The following ZNF892 variants were observed in gnomAD, a reference collection of about 807,000 sequenced individuals.
ZNF892 encodes zinc finger protein 570-like.
At chr2:95,244,204 C>T in the ZNF892 span, among the ~76,000 whole-genome samples, 4 of 149,350 alleles carry the variant, frequency 2.7e-5, no homozygotes, top group South Asian at 4.4e-4. Flanking sequence ...ACAAACACTG[C>T]GGAAGGCCGC....
At chr2:95,235,361 CTT>C in the ZNF892 span, among the ~76,000 whole-genome samples, 35 of 132,012 alleles carry the variant, frequency 2.7e-4, no homozygotes, top group Non-Finnish European at 2.3e-4. Flanking sequence ...TTCCAGTAAA[CTT>C]TTTTTTTTTT....
At chr2:95,231,908 A>G in the ZNF892 span, among the ~76,000 whole-genome samples, 1 of 152,172 alleles carries the variant, frequency 6.6e-6, no homozygotes. Flanking sequence ...AGCGGGTGCT[A>G]TTGTGTCATC....
the ZNF892 span, chr2:95,232,132 G>T: frequency 6.6e-6 from 1 of 152,202 alleles, no homozygotes; most frequent in Non-Finnish European, 1.5e-5. Context: ...CTTGTGTGCG[G>T]CATGATTCCC....
chr2:95,260,811 G>A, the ZNF892 span, among the ~76,000 whole-genome samples: 1 of 152,214 alleles, frequency 6.6e-6, no homozygotes, highest in Non-Finnish European at 1.5e-5. Flanking sequence ...ATGATGGGAG[G>A]TGGGATCACC....
chr2:95,256,782 T>C, the ZNF892 span, among the ~76,000 whole-genome samples: 8 of 152,200 alleles, frequency 5.3e-5, no homozygotes, highest in Non-Finnish European at 1.0e-4. Flanking sequence ...TTTTTATTAT[T>C]TTTTCTCTAA....
At chr2:95,226,046 C>T in the ZNF892 span, among the ~76,000 whole-genome samples, 8 of 152,132 alleles carry the variant, frequency 5.3e-5, no homozygotes, top group Admixed American at 2.0e-4. Context: ...GTTCTGGGGT[C>T]ATGGGAATGG....
chr2:95,215,570 C>G, the ZNF892 span: 3 of 403,106 alleles, frequency 7.4e-6, no homozygotes, highest in Admixed American at 4.3e-5. Flanking sequence ...AGCATTTAAC[C>G]TTTGGCCAAC....
the ZNF892 span, among the ~76,000 whole-genome samples, chr2:95,249,207 A>ATG: frequency 4.4e-3 from 536 of 122,144 alleles, 9 homozygotes; most frequent in African/African-American, 0.015. Context: ...GTATATATGT[A>ATG]TGTATATATA....
At chr2:95,250,443 CTA>C in the ZNF892 span, among the ~76,000 whole-genome samples, 2 of 150,518 alleles carry the variant, frequency 1.3e-5, no homozygotes, top group Admixed American at 1.3e-4. Flanking sequence ...GGGTTAGTTT[CTA>C]TATGTCTGAG....
the ZNF892 span, chr2:95,214,561 G>T: frequency 3.4e-3 from 1,350 of 398,620 alleles, 9 homozygotes; most frequent in South Asian, 0.021. Context: ...GAATTTAGAA[G>T]AAATTGCACT....
At chr2:95,229,795 A>C in the ZNF892 span, among the ~76,000 whole-genome samples, 1 of 152,184 alleles carries the variant, frequency 6.6e-6, no homozygotes. Context: ...TCTTGGGTAC[A>C]TATACCTAGG....
the ZNF892 span, among the ~76,000 whole-genome samples, chr2:95,211,455 A>G: frequency 6.6e-6 from 1 of 152,376 alleles, no homozygotes; most frequent in African/African-American, 2.4e-5. Context: ...TGGACTACAT[A>G]TTCACCAGAG....
At chr2:95,216,468 A>G in the ZNF892 span, among the ~76,000 whole-genome samples, 39 of 152,328 alleles carry the variant, frequency 2.6e-4, no homozygotes, top group African/African-American at 8.7e-4. Context: ...CCTCAGTTGT[A>G]TCTAGTTTGT....
chr2:95,257,629 C>A, the ZNF892 span, among the ~76,000 whole-genome samples: 1 of 152,204 alleles, frequency 6.6e-6, no homozygotes, highest in South Asian at 2.1e-4. Flanking sequence ...GCAGAGGTTT[C>A]TGCTGCCTTT....
chr2:95,233,672 CAAAAAA>C, the ZNF892 span, among the ~76,000 whole-genome samples: 5 of 35,174 alleles, frequency 1.4e-4, no homozygotes, highest in African/African-American at 5.0e-4. Context: ...GACTCCATCT[CAAAAAA>C]AAAAAAAAAA....
chr2:95,220,446 A>G, the ZNF892 span, among the ~76,000 whole-genome samples: 2 of 151,980 alleles, frequency 1.3e-5, no homozygotes, highest in African/African-American at 4.8e-5. Flanking sequence ...AAAGCCCAAG[A>G]AAGTCACTGC....
At chr2:95,243,354 T>C in the ZNF892 span, among the ~76,000 whole-genome samples, 1 of 146,578 alleles carries the variant, frequency 6.8e-6, no homozygotes, top group Non-Finnish European at 1.5e-5. Context: ...CTGCCCAGTC[T>C]GGAAAGTGAG....
the ZNF892 span, chr2:95,212,393 T>A: frequency 5.0e-6 from 2 of 396,896 alleles, no homozygotes; most frequent in African/African-American, 4.1e-5. Context: ...AGTCCCTGTC[T>A]CACCCCTATG....
the ZNF892 span, among the ~76,000 whole-genome samples, chr2:95,237,620 A>T: frequency 2.0e-5 from 3 of 152,248 alleles, no homozygotes; most frequent in Non-Finnish European, 1.5e-5. Context: ...TCTCATTTTA[A>T]ATCAAAAGCT....
Sources: allele counts gnomAD v4.1 joint callset (sites outside exome capture counted in the v4.1 genomes callset), GRCh38; gene constraint gnomAD v4.1.1; transcripts MANE v1.5; gene names NCBI Gene and HGNC (gene_info 2026-07-23, HGNC 2026-07-21).